Variants in EZH2 observed in about 807,000 individuals in gnomAD.
EZH2 encodes histone-lysine N-methyltransferase EZH2.
In EZH2, 18 loss-of-function variants were observed where a neutral mutation model predicts 98.4. That is an observed-to-expected ratio of 0.18 (90% confidence interval 0.13 to 0.27). The LOEUF (loss-of-function observed/expected upper bound fraction) is 0.27. Ranked by LOEUF, EZH2 falls within the 10% of genes least tolerant of loss-of-function variation. The pLI is 1.00. For synonymous variants in EZH2, 338 were observed against 312.3 expected, an observed-to-expected ratio of 1.08 and a Z score of -0.87; for missense variants, 470 against 935.1, an observed-to-expected ratio of 0.50 and a Z score of 6.49.
intron 13 of EZH2, 127 bp downstream of exon 13, chr7:148,815,379 T>C (rs1341086579): frequency 1.0e-6 from 1 of 956,940 alleles, no homozygotes; most frequent in African/African-American, 1.6e-5. Flanking sequence ...CCATTCAAAT[T>C]GGTTTAACAT....
chr7:148,846,595 T>C lies in EZH2; in HGVS notation c.121A>G (p.Met41Val), dbSNP rs766928732. 6.5e-7 allele frequency: 1 copy of C among 1,532,464 alleles called. No homozygotes were observed. The highest frequency in any genetic ancestry group is 2.0e-5 in the Admixed American group (1 of 51,016). 94.9% of individuals were successfully genotyped at this position (1,532,464 alleles called of 1,614,324 possible). A position where few individuals can be genotyped will look rare whatever the true frequency, so the allele number is the denominator to read the frequency against. Residue 41 changes from methionine (M) to valine (V), a missense_variant, in exon 3 of 20, where the codon ATG becomes GTG. Physicochemically the swap from Met to Val is conservative, Grantham distance 21. Transcript: ENST00000320356. Reference protein sequence around the residue: ...RFRRADEVKSMFSSNRQKILE... With the variant: ...RFRRADEVKSVFSSNRQKILE... ...ATTTTCTGACGATTGGAACTAAACA[T>C]ACTCTTAAAAAAAAAAATGAAGGAG... is the stretch of plus-strand genomic sequence containing the variant.
intron 1 of EZH2, among the ~76,000 whole-genome samples, chr7:148,879,668 T>C (rs1304736099): frequency 1.3e-5 from 2 of 151,996 alleles, no homozygotes; most frequent in Admixed American, 1.3e-4. Flanking sequence ...CCAGTCTAGG[T>C]GACAGAGTGA....
chr7:148,827,114 G>T, intron 7 of EZH2, 50 bp downstream of exon 7: 1 of 1,376,322 alleles, frequency 7.3e-7, no homozygotes, highest in Non-Finnish European at 1.0e-6. Context: ...CCAAAATGGT[G>T]AGTTACATAC....
intron 14 of EZH2, 63 bp downstream of exon 14, chr7:148,814,851 T>A (rs1804135199): frequency 6.5e-7 from 1 of 1,550,048 alleles, no homozygotes; most frequent in South Asian, 1.2e-5. Context: ...TTTGATTTTT[T>A]AAATTGCTAA....
At chr7:148,843,042 T>C (rs921880781) in intron 3 of EZH2, among the ~76,000 whole-genome samples, 7 of 151,974 alleles carry the variant, frequency 4.6e-5, no homozygotes, top group Admixed American at 1.3e-4. Flanking sequence ...ACCCCATCTC[T>C]ACTAAAAATA....
intron 1 of EZH2, among the ~76,000 whole-genome samples, chr7:148,858,980 A>G (rs1817258159): frequency 6.6e-6 from 1 of 152,252 alleles, no homozygotes. Flanking sequence ...TGTGTTTAAA[A>G]TGAAGAGAAA....
rs914072990 is a variant in EZH2, at chr7:148,865,138, A to G, written c.-7-17833T>C. 3.2e-4 allele frequency among the ~76,000 whole-genome samples: 49 copies of G among 152,166 alleles called. No homozygotes were observed. In the East Asian group the frequency reaches 7.7e-3, roughly 24 times the overall value. ...CGAGACTTGTCTCAAAAAAAAAAAA[A>G]AAAAAGTACCAGAAACTAAAGCTAT... On this transcript the variant is annotated intron_variant, in intron 1 of 19. Coordinates refer to ENST00000320356, the MANE Select transcript of EZH2 (RefSeq NM_004456.5).
chr7:148,852,545 G>A (rs926923268), intron 1 of EZH2, among the ~76,000 whole-genome samples: 1 of 152,150 alleles, frequency 6.6e-6, no homozygotes, highest in African/African-American at 2.4e-5. Context: ...CAGTCACAGT[G>A]AAAATCTCAG....
chr7:148,816,837 T>TA lies in EZH2; in HGVS notation c.1411-60dup, dbSNP rs1403581534. 4.1e-6 allele frequency: 5 copies of TA among 1,221,960 alleles called. No individual in the cohort carries two copies. The African/African-American group carries it at 7.4e-5, about 18-fold the overall frequency. The allele number at this position is 1,221,960 out of a possible 1,614,324, so 75.7% of individuals were successfully genotyped here. Reference sequence around the variant, plus strand: ...CAGTCTTATTTAGGCAAACCATTCTTATACTCATGCATACCAGAAAAATGT... The same window carrying TA: ...CAGTCTTATTTAGGCAAACCATTCTTAATACTCATGCATACCAGAAAAATGT... On this transcript the variant is annotated intron_variant, in intron 11 of 19. Transcript: ENST00000320356.
At chr7:148,809,267 G>A (rs2129467608) in intron 18 of EZH2, 43 bp downstream of exon 18, 2 of 1,584,576 alleles carry the variant, frequency 1.3e-6, no homozygotes, top group Non-Finnish European at 1.7e-6. Flanking sequence ...CATCATCACA[G>A]GACTGAAAAG....
intron 1 of EZH2, among the ~76,000 whole-genome samples, chr7:148,862,919 TTTTG>T (rs1817899746): frequency 6.9e-6 from 1 of 145,068 alleles, no homozygotes; most frequent in Admixed American, 7.2e-5. Context: ...TTTTGTTTTG[TTTTG>T]TTTTTTTAAA....
chr7:148,837,113 G>C, intron 3 of EZH2: 1 of 389,680 alleles, frequency 2.6e-6, no homozygotes, highest in Non-Finnish European at 5.1e-6. Context: ...AGGTAGGTAT[G>C]ACTCCCCATT....
intron 9 of EZH2, 60 bp from the exon 10 acceptor site, chr7:148,818,177 G>GA (rs1002156811): frequency 4.7e-4 from 679 of 1,454,022 alleles, no homozygotes; most frequent in South Asian, 7.8e-4. Flanking sequence ...TGATGGAAGA[G>GA]AAAAAAAAAT....
intron 3 of EZH2, among the ~76,000 whole-genome samples, chr7:148,841,841 C>T (rs1812530583): frequency 6.6e-6 from 1 of 151,996 alleles, no homozygotes; most frequent in South Asian, 2.1e-4. Context: ...ATGTTAAGTC[C>T]AAACTGCCAA....
rs531032183 is a variant in EZH2, at chr7:148,884,248, T to C, written c.-92A>G. ...CCGCCGCCGGGGCTCCACTGCCTTC[T>C]GAGTCCCACCGGGTGTCGGACGCGA... On this transcript the variant is annotated 5_prime_UTR_variant, in exon 1 of 20. Coordinates refer to ENST00000320356, the MANE Select transcript of EZH2 (RefSeq NM_004456.5). 15 of 178,302 alleles carry C rather than the reference T, an allele frequency of 8.4e-5. No individual in the cohort carries two copies. Among genetic ancestry groups the C allele is most frequent in the East Asian group, 5.8e-4 (6 of 10,294 alleles). 11.0% of individuals were successfully genotyped at this position (178,302 alleles called of 1,614,324 possible).
chr7:148,847,448 G>A (rs1017876156), intron 1 of EZH2, 143 bp from the exon 2 acceptor site: 2 of 986,990 alleles, frequency 2.0e-6, no homozygotes, highest in Admixed American at 4.8e-5. Context: ...GTGCTCATTT[G>A]TGCTGCATGG....
At chr7:148,827,570 T>G (rs912463285) in intron 6 of EZH2, among the ~76,000 whole-genome samples, 5 of 152,238 alleles carry the variant, frequency 3.3e-5, no homozygotes, top group Admixed American at 3.3e-4. Flanking sequence ...CTCTTGGGTC[T>G]GTTTACTCAT....
chr7:148,869,963 G>A (rs1819102905), intron 1 of EZH2, among the ~76,000 whole-genome samples: 1 of 152,180 alleles, frequency 6.6e-6, no homozygotes, highest in African/African-American at 2.4e-5. Flanking sequence ...GCTCATGCCT[G>A]TAATCCCTGC....
At chr7:148,843,182 T>C (rs1312093870) in intron 3 of EZH2, among the ~76,000 whole-genome samples, 1 of 136,396 alleles carries the variant, frequency 7.3e-6, no homozygotes, top group Non-Finnish European at 1.5e-5. Flanking sequence ...CACTCCAGCC[T>C]GGGCAACAAG....
Sources: gnomAD v4.1 joint callset for allele counts (sites outside exome capture counted in the v4.1 genomes callset) on GRCh38, gnomAD v4.1.1 for gene constraint, MANE v1.5 for transcripts, NCBI Gene and HGNC (gene_info 2026-07-23, HGNC 2026-07-21) for gene names.